Variants in TASP1 observed in about 807,000 individuals in gnomAD.
The protein encoded by TASP1 is threonine aspartase 1.
TASP1 carries 16 observed loss-of-function variants against 56.6 expected under a neutral mutation model. The observed-to-expected ratio is 0.28, with a 90% CI of 0.19 to 0.43. The LOEUF is 0.43. Among genes scored for constraint, TASP1 ranks in the 20% least tolerant of loss-of-function variants. The pLI, the probability that TASP1 is intolerant of heterozygous loss-of-function variation, is 1.00. For synonymous variants in TASP1, 179 were observed against 184.2 expected (o/e 0.97, Z 0.23); for missense variants, 393 against 511.6 (o/e 0.77, Z 2.24).
At chr20:13,498,001 A>G (rs554428129) in intron 10 of TASP1, among the ~76,000 whole-genome samples, 2 of 152,282 alleles carry the variant, frequency 1.3e-5, no homozygotes, top group Admixed American at 1.3e-4. Context: ...TGGATCTCAA[A>G]CTATAAAAAT....
chr20:13,439,384 T>A (rs996206970), intron 11 of TASP1, among the ~76,000 whole-genome samples: 25 of 152,184 alleles, frequency 1.6e-4, no homozygotes, highest in Non-Finnish European at 2.9e-4. Context: ...GAAACCATCA[T>A]TCTCAGCAAA....
At chr20:13,433,533 A>AAAAAAC (rs1555848743) in intron 12 of TASP1, among the ~76,000 whole-genome samples, 28 of 150,816 alleles carry the variant, frequency 1.9e-4, no homozygotes, top group African/African-American at 6.7e-4. Context: ...AAAAAAAAAA[A>AAAAAAC]AAAAAAAATA....
chr20:13,546,083 G>A (rs190785573), intron 8 of TASP1, among the ~76,000 whole-genome samples: 2 of 152,124 alleles, frequency 1.3e-5, no homozygotes, highest in South Asian at 2.1e-4. Context: ...TAAAGGGCAG[G>A]GACTAGGTGC....
intron 6 of TASP1, among the ~76,000 whole-genome samples, chr20:13,574,798 A>G (rs1477465574): frequency 6.6e-6 from 1 of 152,170 alleles, no homozygotes; most frequent in Non-Finnish European, 1.5e-5. Flanking sequence ...AAATGAAACA[A>G]AGAGAGAAAA....
intron 4 of TASP1, among the ~76,000 whole-genome samples, chr20:13,613,199 T>G (rs2295504): frequency 0.49 from 74,009 of 151,936 alleles, 19,302 homozygotes; most frequent in African/African-American, 0.68. Flanking sequence ...TTTGGTATAG[T>G]ATTGATCTAA....
the TASP1 span, among the ~76,000 whole-genome samples, chr20:13,375,908 C>CCA: frequency 7.0e-3 from 1,060 of 151,934 alleles, 5 homozygotes; most frequent in Non-Finnish European, 0.012. Context: ...TATCCTTCAC[C>CCA]CACTTTTTGA....
At chr20:13,423,964 T>C (rs1419080273) in intron 12 of TASP1, among the ~76,000 whole-genome samples, 3 of 152,160 alleles carry the variant, frequency 2.0e-5, no homozygotes, top group Non-Finnish European at 4.4e-5. Flanking sequence ...CATGATTATC[T>C]AAAACATAAG....
intron 4 of TASP1, among the ~76,000 whole-genome samples, chr20:13,620,534 G>A (rs545966718): frequency 2.6e-5 from 4 of 152,050 alleles, no homozygotes; most frequent in South Asian, 2.1e-4. Context: ...ATAATATAAC[G>A]GGCAAGTTTT....
intron 3 of TASP1, 54 bp downstream of exon 3, chr20:13,625,131 A>G: frequency 1.5e-6 from 2 of 1,314,630 alleles, no homozygotes; most frequent in Non-Finnish European, 1.0e-6. Context: ...TTCAAGGTAA[A>G]ACTGCTTTCT....
chr20:13,382,875 CA>C, the TASP1 span, among the ~76,000 whole-genome samples: 2 of 151,904 alleles, frequency 1.3e-5, no homozygotes, highest in African/African-American at 4.8e-5. Context: ...AAAAATAAAG[CA>C]AAAAAGGAAT....
chr20:13,157,320 T>G, the TASP1 span, among the ~76,000 whole-genome samples: 1 of 151,272 alleles, frequency 6.6e-6, no homozygotes, highest in African/African-American at 2.4e-5. Flanking sequence ...ACCTGTACTC[T>G]CAGCTACTTG....
At chr20:13,280,355 C>T in the TASP1 span, among the ~76,000 whole-genome samples, 2 of 137,566 alleles carry the variant, frequency 1.5e-5, no homozygotes, top group Admixed American at 7.2e-5. Context: ...TCCTTGGGAA[C>T]CCACATGAAC....
chr20:13,619,990 T>C (rs2048652033), intron 4 of TASP1, among the ~76,000 whole-genome samples: 1 of 152,124 alleles, frequency 6.6e-6, no homozygotes, highest in Non-Finnish European at 1.5e-5. Flanking sequence ...AAACCTCTCA[T>C]ACAGAAGCAG....
At chr20:13,256,221 C>A in the TASP1 span, among the ~76,000 whole-genome samples, 3 of 151,670 alleles carry the variant, frequency 2.0e-5, no homozygotes, top group African/African-American at 4.9e-5. Flanking sequence ...CATGGTGAAA[C>A]CCCATTTTTA....
chr20:13,399,371 G>A (rs1321359564), intron 13 of TASP1, among the ~76,000 whole-genome samples: 1 of 151,800 alleles, frequency 6.6e-6, no homozygotes, highest in African/African-American at 2.4e-5. Flanking sequence ...CTACCTTTTG[G>A]GCCTCCCCAT....
At chr20:13,291,379 T>G in the TASP1 span, among the ~76,000 whole-genome samples, 5 of 152,334 alleles carry the variant, frequency 3.3e-5, no homozygotes, top group African/African-American at 1.2e-4. Context: ...GGGCAAAGTC[T>G]CCCTGGCCTG....
chr20:13,230,842 C>T, the TASP1 span, among the ~76,000 whole-genome samples: 1 of 152,186 alleles, frequency 6.6e-6, no homozygotes, highest in East Asian at 1.9e-4. Context: ...AAACTGTGAA[C>T]ATAAATACGT....
At chr20:13,417,550 C>T (rs1312870216) in intron 12 of TASP1, 29 bp from the exon 13 acceptor site, 1 of 1,610,256 alleles carries the variant, frequency 6.2e-7, no homozygotes, top group Non-Finnish European at 8.5e-7. Context: ...CAAATAGGCA[C>T]ATTCAGATCA....
chr20:13,228,980 A>C, the TASP1 span, among the ~76,000 whole-genome samples: 1 of 152,066 alleles, frequency 6.6e-6, no homozygotes, highest in Non-Finnish European at 1.5e-5. Context: ...CCACTCTGAA[A>C]CCCAGGACTG....
Sources: allele counts gnomAD v4.1 joint callset (sites outside exome capture counted in the v4.1 genomes callset), GRCh38; gene constraint gnomAD v4.1.1; transcripts MANE v1.5; gene names NCBI Gene and HGNC (gene_info 2026-07-23, HGNC 2026-07-21).